CORO2B: variants seen among roughly 807,000 people sequenced by gnomAD.
CORO2B encodes the protein coronin-2B.
A neutral mutation model predicts 58.8 loss-of-function variants in CORO2B; 26 were observed. That is an observed-to-expected ratio of 0.44 (90% CI 0.32 to 0.61). The LOEUF is 0.61. Among genes scored for constraint, CORO2B ranks in the 20% least tolerant of loss-of-function variants. The pLI, the probability that CORO2B is intolerant of heterozygous loss-of-function variation, is 0.04. For missense variants in CORO2B, 460 were observed against 645.1 expected, an observed-to-expected ratio of 0.71 and a Z score of 3.11; for synonymous variants, 242 against 253.8, an observed-to-expected ratio of 0.95 and a Z score of 0.44.
the CORO2B span, among the ~76,000 whole-genome samples, chr15:68,560,296 ATT>A: frequency 4.0e-3 from 502 of 125,398 alleles, 4 homozygotes; most frequent in African/African-American, 0.014. Flanking sequence ...TTCTTTCTTT[ATT>A]TTTTTTTTTC....
chr15:68,702,546 T>C (rs1435449355), intron 3 of CORO2B, among the ~76,000 whole-genome samples: 1 of 152,068 alleles, frequency 6.6e-6, no homozygotes, highest in Non-Finnish European at 1.5e-5. Flanking sequence ...TACCTCTTGT[T>C]TAGATGAATG....
At chr15:68,652,189 C>G (rs926361994) in intron 2 of CORO2B, among the ~76,000 whole-genome samples, 2 of 152,250 alleles carry the variant, frequency 1.3e-5, no homozygotes, top group African/African-American at 2.4e-5. Flanking sequence ...AGGAGTGGCT[C>G]TGTCTTCCCC....
chr15:68,651,828 A>T (rs1901652488), intron 2 of CORO2B, among the ~76,000 whole-genome samples: 1 of 152,192 alleles, frequency 6.6e-6, no homozygotes, highest in Admixed American at 6.5e-5. Flanking sequence ...CCTTCCACAG[A>T]GCTTTTCTCT....
the CORO2B span, among the ~76,000 whole-genome samples, chr15:68,561,353 C>T: frequency 3.3e-5 from 5 of 152,256 alleles, no homozygotes; most frequent in South Asian, 2.1e-4. Context: ...TCACTCTCCC[C>T]GGTCCAGATG....
chr15:68,696,444 A>G, intron 3 of CORO2B, among the ~76,000 whole-genome samples: 2 of 148,578 alleles, frequency 1.3e-5, no homozygotes, highest in African/African-American at 2.5e-5. Flanking sequence ...AGCTATTCGG[A>G]AGGCTGAGGC....
At chr15:68,590,681 C>A (rs899436313) in intron 1 of CORO2B, among the ~76,000 whole-genome samples, 2 of 152,100 alleles carry the variant, frequency 1.3e-5, no homozygotes, top group Non-Finnish European at 2.9e-5. Flanking sequence ...AATACAAGTC[C>A]CCCTGAGGGG....
At chr15:68,717,592 G>A (rs1350499359) in intron 8 of CORO2B, among the ~76,000 whole-genome samples, 2 of 152,156 alleles carry the variant, frequency 1.3e-5, no homozygotes, top group African/African-American at 4.8e-5. Flanking sequence ...CTCCTCACCT[G>A]TGACCACTAT....
chr15:68,602,630 G>GC (rs1900013712), intron 1 of CORO2B, among the ~76,000 whole-genome samples: 1 of 152,178 alleles, frequency 6.6e-6, no homozygotes, highest in Admixed American at 6.5e-5. Flanking sequence ...GCTGGTGGGA[G>GC]CCCCCATAGC....
chr15:68,566,875 C>T, the CORO2B span, among the ~76,000 whole-genome samples: 1 of 152,200 alleles, frequency 6.6e-6, no homozygotes, highest in Non-Finnish European at 1.5e-5. Context: ...GCAACACACA[C>T]ATATACACAA....
chr15:68,719,063 C>T, intron 9 of CORO2B, 81 bp from the exon 10 acceptor site: 5 of 1,137,334 alleles, frequency 4.4e-6, no homozygotes, highest in Non-Finnish European at 6.7e-6. Context: ...GACTGGAGAT[C>T]AGTAAGAAGA....
chr15:68,596,829 G>A (rs536576783), intron 1 of CORO2B, among the ~76,000 whole-genome samples: 11 of 152,234 alleles, frequency 7.2e-5, no homozygotes, highest in East Asian at 3.9e-4. Flanking sequence ...AGAAATGGCC[G>A]CGCATCACGC....
chr15:68,716,716 G>A (rs985494970), intron 8 of CORO2B, among the ~76,000 whole-genome samples: 4 of 152,172 alleles, frequency 2.6e-5, no homozygotes, highest in Admixed American at 2.0e-4. Flanking sequence ...AGGAGAAAGA[G>A]CAGTCCCAGC....
chr15:68,571,376 A>G, the CORO2B span, among the ~76,000 whole-genome samples: 1 of 152,222 alleles, frequency 6.6e-6, no homozygotes. Flanking sequence ...TGGCATTGTG[A>G]ATAACAGCAG....
At chr15:68,596,368 T>C (rs996192735) in intron 1 of CORO2B, among the ~76,000 whole-genome samples, 1 of 47,766 alleles carries the variant, frequency 2.1e-5, no homozygotes, top group African/African-American at 7.7e-5. Flanking sequence ...GGGTAGGGGG[T>C]GGGGGTTGTG....
At chr15:68,544,142 G>A in the CORO2B span, among the ~76,000 whole-genome samples, 1 of 152,192 alleles carries the variant, frequency 6.6e-6, no homozygotes, top group Non-Finnish European at 1.5e-5. Context: ...CAGAACAGAG[G>A]TGCTGATGGT....
the CORO2B span, among the ~76,000 whole-genome samples, chr15:68,547,909 G>A: frequency 7.2e-5 from 11 of 152,104 alleles, no homozygotes; most frequent in East Asian, 3.9e-4. Context: ...GGTGGCTCAC[G>A]CCTGTAGCCC....
Position 68,579,216 on chromosome 15 carries a change from C to A in CORO2B, c.-47C>A. Reference sequence around the variant, plus strand: ...CCGCCGCCCCGGGCCGCCGCCGCCGCCCCCGCACGCCGCGCCCGCGCCCCC... The same window carrying A: ...CCGCCGCCCCGGGCCGCCGCCGCCGACCCCGCACGCCGCGCCCGCGCCCCC... On this transcript the variant is annotated 5_prime_UTR_variant, in exon 1 of 12. Transcript: ENST00000261861. 1 of 1,054,560 alleles carries A rather than the reference C, an allele frequency of 9.5e-7. No homozygotes were observed. The highest frequency in any genetic ancestry group is 1.1e-6 in the Non-Finnish European group (1 of 878,094). The allele number at this position is 1,054,560 out of a possible 1,614,324, so 65.3% of individuals were successfully genotyped here.
At chr15:68,694,954 G>C (rs1351055066) in intron 2 of CORO2B, among the ~76,000 whole-genome samples, 186 bp from the exon 3 acceptor site, 1 of 152,228 alleles carries the variant, frequency 6.6e-6, no homozygotes, top group African/African-American at 2.4e-5. Context: ...GGAGGACACA[G>C]CTGCAGAGCA....
At chr15:68,577,393 C>T (rs1595947654), upstream of CORO2B, among the ~76,000 whole-genome samples, 1 of 152,146 alleles carries the variant, frequency 6.6e-6, no homozygotes, top group East Asian at 1.9e-4. Context: ...ATTCTTTCCT[C>T]ACACTGTTGC....
Sources: gnomAD v4.1 joint callset for allele counts (sites outside exome capture counted in the v4.1 genomes callset) on GRCh38, gnomAD v4.1.1 for gene constraint, MANE v1.5 for transcripts, NCBI Gene and HGNC (gene_info 2026-07-23, HGNC 2026-07-21) for gene names.